Variants in SPC25 observed in about 807,000 individuals in gnomAD.
The protein encoded by SPC25 is kinetochore protein Spc25.
Under a neutral mutation model 29.6 loss-of-function variants are expected in SPC25, and 22 were observed. That is an observed-to-expected ratio of 0.74 (90% CI 0.53 to 1.06). SPC25 has a LOEUF of 1.06. Among genes scored for constraint, SPC25 ranks in the 50% least tolerant of loss-of-function variants. SPC25 has a pLI of 0.00. For synonymous variants in SPC25, 91 were observed against 90.4 expected (o/e 1.01, Z -0.04); for missense variants, 230 against 255.8 (o/e 0.90, Z 0.69).
intron 3 of SPC25, among the ~76,000 whole-genome samples, chr2:168,888,749 G>A (rs1160125851): frequency 6.7e-6 from 1 of 150,032 alleles, no homozygotes; most frequent in Non-Finnish European, 1.5e-5. Flanking sequence ...GTGTGTGTAT[G>A]TGTCTATATA....
chr2:168,868,249 G>T (rs1410505071), downstream of SPC25, among the ~76,000 whole-genome samples: 1 of 152,194 alleles, frequency 6.6e-6, no homozygotes, highest in African/African-American at 2.4e-5. Flanking sequence ...ACAAGAGAAA[G>T]CAGGAAAGAT....
At chr2:168,874,674 G>C (rs1274630886) in intron 5 of SPC25, among the ~76,000 whole-genome samples, 3 of 152,084 alleles carry the variant, frequency 2.0e-5, no homozygotes, top group Non-Finnish European at 2.9e-5. Flanking sequence ...ATCAGCAAAG[G>C]GAAAAGGTAC....
chr2:168,883,072 A>T (rs1690202540), intron 3 of SPC25, among the ~76,000 whole-genome samples: 3 of 152,112 alleles, frequency 2.0e-5, no homozygotes, highest in Non-Finnish European at 2.9e-5. Flanking sequence ...TTTATATATA[A>T]AAATTATTTT....
At chr2:168,874,181 T>C (rs912298616) in intron 5 of SPC25, among the ~76,000 whole-genome samples, 1 of 152,156 alleles carries the variant, frequency 6.6e-6, no homozygotes, top group African/African-American at 2.4e-5. Flanking sequence ...TACAATGAGA[T>C]ACCATTTCAT....
intron 3 of SPC25, among the ~76,000 whole-genome samples, chr2:168,884,336 A>G (rs535439694): frequency 6.6e-6 from 1 of 152,312 alleles, no homozygotes; most frequent in East Asian, 1.9e-4. Flanking sequence ...AGACTTCAGG[A>G]TTTATAATAA....
chr2:168,865,118 T>C (rs1481962841), intron 4 of SPC25: 1 of 822,718 alleles, frequency 1.2e-6, no homozygotes, highest in Non-Finnish European at 1.9e-6. Context: ...GCATTCATGA[T>C]TATTAGCTTG....
chr2:168,888,943 GTGTGTGTGTGTGTGTATA>G (rs1407641882), intron 3 of SPC25, among the ~76,000 whole-genome samples: 2 of 68,038 alleles, frequency 2.9e-5, no homozygotes, highest in African/African-American at 1.6e-4. Context: ...GTGTGTGTGT[GTGTGTGTGTGTGTGTATA>G]TATATATATA....
At chr2:168,863,124 T>A (rs1409683726) in intron 4 of SPC25, among the ~76,000 whole-genome samples, 1 of 152,208 alleles carries the variant, frequency 6.6e-6, no homozygotes, top group African/African-American at 2.4e-5. Context: ...TTCAGTTCTC[T>A]GTTGGTTGCA....
At chr2:168,886,909 T>C (rs1449780986) in intron 3 of SPC25, among the ~76,000 whole-genome samples, 2 of 152,220 alleles carry the variant, frequency 1.3e-5, no homozygotes, top group Non-Finnish European at 2.9e-5. Context: ...AGATAATCTT[T>C]AAGAGCACAG....
intron 1 of SPC25, 137 bp from the exon 2 acceptor site, chr2:168,889,670 G>A (rs1258616312): frequency 1.1e-6 from 1 of 932,572 alleles, no homozygotes; most frequent in Non-Finnish European, 1.6e-6. Context: ...AGGTATTCAA[G>A]GGTAGATCAA....
intron 3 of SPC25, among the ~76,000 whole-genome samples, chr2:168,882,129 C>T (rs1332483962): frequency 6.6e-6 from 1 of 152,122 alleles, no homozygotes; most frequent in Non-Finnish European, 1.5e-5. Context: ...GCCAAACAAA[C>T]GTTGGCAGTT....
At chr2:168,873,773 A>C (rs544139408) in intron 5 of SPC25, 90 bp from the exon 6 acceptor site, 2 of 742,342 alleles carry the variant, frequency 2.7e-6, no homozygotes, top group African/African-American at 3.5e-5. Flanking sequence ...TGCACTGCTA[A>C]GTATATACAG....
chr2:168,876,225 T>C, intron 4 of SPC25, 49 bp from the exon 5 acceptor site: 1 of 1,235,010 alleles, frequency 8.1e-7, no homozygotes. Flanking sequence ...AATAGCAAAT[T>C]AATGCTCACT....
At chr2:168,889,572 A>T in intron 1 of SPC25, 39 bp from the exon 2 acceptor site, 2 of 1,569,074 alleles carry the variant, frequency 1.3e-6, no homozygotes, top group Non-Finnish European at 1.7e-6. Context: ...TAAGTTACTG[A>T]AATCAAATCA....
At chr2:168,890,230 G>T in intron 1 of SPC25, 88 bp downstream of exon 1, 2 of 718,974 alleles carry the variant, frequency 2.8e-6, no homozygotes, top group Non-Finnish European at 3.4e-6. Flanking sequence ...AAACGCCGCC[G>T]CAAATACACA....
intron 3 of SPC25, 89 bp from the exon 4 acceptor site, chr2:168,877,473 G>C (rs1354654484): frequency 7.8e-6 from 11 of 1,405,748 alleles, no homozygotes; most frequent in African/African-American, 1.5e-5. Flanking sequence ...CTTTCATAAA[G>C]ATTAATAAAG....
At chr2:168,863,312 A>G (rs1689595555) in intron 4 of SPC25, 4 of 699,720 alleles carry the variant, frequency 5.7e-6, no homozygotes, top group Non-Finnish European at 3.5e-6. Context: ...CTTTAAGAAT[A>G]GTGATTTATG....
intron 4 of SPC25, among the ~76,000 whole-genome samples, chr2:168,876,494 G>A (rs1275269596): frequency 6.6e-6 from 1 of 151,812 alleles, no homozygotes; most frequent in Non-Finnish European, 1.5e-5. Context: ...ATACTACTGT[G>A]CTTTTTTTCT....
chr2:168,886,464 T>G (rs116279279), intron 3 of SPC25, among the ~76,000 whole-genome samples: 1 of 152,180 alleles, frequency 6.6e-6, no homozygotes, highest in Non-Finnish European at 1.5e-5. Context: ...AGCAGTCATA[T>G]GTTCATTGAA....
Sources: gnomAD v4.1 joint callset for allele counts (sites outside exome capture counted in the v4.1 genomes callset) on GRCh38, gnomAD v4.1.1 for gene constraint, MANE v1.5 for transcripts, NCBI Gene and HGNC (gene_info 2026-07-23, HGNC 2026-07-21) for gene names.